ITFG2: variants seen among roughly 807,000 people sequenced by gnomAD.
ITFG2 encodes KICSTOR complex protein ITFG2.
A neutral mutation model predicts 54.4 loss-of-function variants in ITFG2; 36 were observed. The ratio of observed to expected loss-of-function variants is 0.66; its 90% CI spans 0.51 to 0.87. The LOEUF (loss-of-function observed/expected upper bound fraction) is 0.87. ITFG2 is among the 40% of genes least tolerant of loss of function. ITFG2 has a pLI of 0.00. For missense variants in ITFG2, 524 were observed against 576.7 expected, an observed-to-expected ratio of 0.91 and a Z score of 0.94; for synonymous variants, 211 against 225.4, an observed-to-expected ratio of 0.94 and a Z score of 0.57.
At position 2,824,287 on chromosome 12, in the gene ITFG2, T is replaced by C; in HGVS notation, c.*94T>C. ...GTATTGGCAGGATAGGGAATATGCATTACAGAAATGCAGGATTTGACTCTG... is the reference window on the plus strand; with the variant it reads ...GTATTGGCAGGATAGGGAATATGCACTACAGAAATGCAGGATTTGACTCTG... On this transcript the variant is annotated 3_prime_UTR_variant, in exon 12 of 12. Coordinates refer to ENST00000228799, the MANE Select transcript of ITFG2 (RefSeq NM_018463.4). The C allele has an allele frequency of 7.8e-7, 1 of 1,279,706 alleles. No homozygotes were observed. 79.3% of individuals were successfully genotyped at this position (1,279,706 alleles called of 1,614,324 possible). A position where few individuals can be genotyped will look rare whatever the true frequency, so the allele number is the denominator to read the frequency against.
chr12:2,854,862 G>C lies in ITFG2; in HGVS notation n.301-3150G>C, dbSNP rs571596046. On this transcript the variant is annotated intron_variant and non_coding_transcript_variant, in intron 2 of 3. Coordinates refer to the ITFG2 transcript ENST00000537710. ...GGGAGGGGTCACCTGGGCAGGGCAG[G>C]CTGGGTGGGCTCCCTGAGGAGGCAC... The C allele has an allele frequency of 5.2e-5, 79 of 1,508,210 alleles. No homozygotes were observed. The African/African-American group carries it at 8.1e-4, about 15-fold the overall frequency. The allele number at this position is 1,508,210 out of a possible 1,614,324, so 93.4% of individuals were successfully genotyped here. A position where few individuals can be genotyped will look rare whatever the true frequency, so the allele number is the denominator to read the frequency against.
Position 2,824,089 on chromosome 12 carries a change from G to T in ITFG2, c.1241-1G>T, listed in dbSNP as rs752670309. 4 of 1,614,092 alleles carry T rather than the reference G, an allele frequency of 2.5e-6. No individual in the cohort carries two copies. Among genetic ancestry groups the T allele is most frequent in the Admixed American group, 3.3e-5 (2 of 60,006 alleles). ...CTTACCCACCCCTTCTTGGCTCTCA[G>T]ATCCTGACGACCTCCCTGTGACTCG... is the stretch of plus-strand genomic sequence containing the variant. On this transcript the variant is annotated splice_acceptor_variant, in intron 11 of 11. Transcript: ENST00000228799. LOFTEE classifies it high-confidence loss of function.
chr12:2,855,320 G>A (rs2098083958), intron 2 of ITFG2: 1 of 1,531,736 alleles, frequency 6.5e-7, no homozygotes, highest in Admixed American at 2.0e-5. Context: ...CAGGGCGGCA[G>A]CTTCAGAGCC....
At chr12:2,830,684 G>A in intron 2 of ITFG2, 2 of 1,594,752 alleles carry the variant, frequency 1.3e-6, no homozygotes, top group Non-Finnish European at 1.7e-6. Context: ...GTTAATGAAA[G>A]TGTGTCCCTG....
downstream of ITFG2, among the ~76,000 whole-genome samples, chr12:2,831,657 T>C (rs993972141): frequency 1.3e-5 from 2 of 152,168 alleles, no homozygotes; most frequent in African/African-American, 4.8e-5. Context: ...GTCCCTCATC[T>C]ACAACCACTC....
At chr12:2,821,008 C>T in intron 6 of ITFG2, 136 bp downstream of exon 6, 1 of 930,826 alleles carries the variant, frequency 1.1e-6, no homozygotes. Flanking sequence ...CACCTTTGCC[C>T]CACTGGGGAA....
At position 2,855,113 on chromosome 12, in the gene ITFG2, C is replaced by T. The variant is rs1368510737; in HGVS notation, n.301-2899C>T. On this transcript the variant is annotated intron_variant and non_coding_transcript_variant, in intron 2 of 3. Coordinates refer to the ITFG2 transcript ENST00000537710. ...CAGGAGGGAGGGGGGATGGGGTGCT[C>T]CGTGGGGGGGCATCTGTGGGCATTG... 9.1e-6 allele frequency: 14 copies of T among 1,532,986 alleles called. No homozygotes were observed. In the South Asian group the frequency reaches 1.2e-4, roughly 13 times the overall value. The allele number at this position is 1,532,986 out of a possible 1,614,324, so 95.0% of individuals were successfully genotyped here.
intron 2 of ITFG2, chr12:2,849,304 A>G: frequency 3.9e-6 from 6 of 1,535,968 alleles, no homozygotes; most frequent in Non-Finnish European, 5.2e-6. Context: ...GAGATGGTGG[A>G]GGGGTAAGGC....
chr12:2,830,964 C>G (rs1437725359), downstream of ITFG2: 5 of 1,245,392 alleles, frequency 4.0e-6, no homozygotes, highest in Non-Finnish European at 5.5e-6. Context: ...CCCACCCCCC[C>G]AGCCCTGAGC....
chr12:2,859,753 G>T, exon 4 of ITFG2: 1 of 946,118 alleles, frequency 1.1e-6, no homozygotes, highest in Non-Finnish European at 1.5e-6. Context: ...TCTTTGTGTC[G>T]TTTTGAAGTC....
rs1415620615 is a variant in ITFG2 at position 2,817,376 on chromosome 12, C to T, written c.192+58C>T. ...GAAGGGATCCCTTCTGTCCAGGGAC[C>T]ACCTAGGGTGAGCCCCACACAGGTG... is the stretch of plus-strand genomic sequence containing the variant. On this transcript the variant is annotated intron_variant, in intron 2 of 11. Transcript: ENST00000228799. 2.4e-6 allele frequency: 3 copies of T among 1,262,294 alleles called. No individual in the cohort carries two copies. In the South Asian group the frequency reaches 3.7e-5, roughly 16 times the overall value. 78.2% of individuals were successfully genotyped at this position (1,262,294 alleles called of 1,614,324 possible). A position where few individuals can be genotyped will look rare whatever the true frequency, so the allele number is the denominator to read the frequency against.
intron 1 of ITFG2, chr12:2,840,824 A>C (rs901582711): frequency 6.6e-6 from 1 of 151,744 alleles, no homozygotes; most frequent in Non-Finnish European, 1.5e-5. Context: ...ATCCAAATAC[A>C]ATTTTTTTTT....
intron 2 of ITFG2, among the ~76,000 whole-genome samples, chr12:2,853,283 T>G (rs984069131): frequency 1.9e-4 from 28 of 145,674 alleles, no homozygotes; most frequent in East Asian, 8.0e-4. Context: ...TGGTTTTTTG[T>G]TTTTTTTTTT....
intron 2 of ITFG2, among the ~76,000 whole-genome samples, chr12:2,848,389 G>A (rs557269396): frequency 6.6e-6 from 1 of 152,216 alleles, no homozygotes; most frequent in East Asian, 1.9e-4. Context: ...CTGTTGCTTT[G>A]CCTGCCTCTA....
chr12:2,848,875 A>G (rs1326306463), intron 2 of ITFG2, among the ~76,000 whole-genome samples: 6 of 116,734 alleles, frequency 5.1e-5, no homozygotes, highest in African/African-American at 1.0e-4. Flanking sequence ...AGACACACAC[A>G]CGCACACACA....
intron 10 of ITFG2, among the ~76,000 whole-genome samples, 164 bp downstream of exon 10, chr12:2,823,075 G>A (rs757750589): frequency 9.9e-5 from 15 of 151,940 alleles, no homozygotes; most frequent in Non-Finnish European, 1.9e-4. Context: ...GGGGGTGAGG[G>A]GTGAGTGATG....
At chr12:2,841,786 T>C (rs2153927199) in intron 2 of ITFG2, among the ~76,000 whole-genome samples, 1 of 152,146 alleles carries the variant, frequency 6.6e-6, no homozygotes, top group Admixed American at 6.5e-5. Context: ...TGGCATGATC[T>C]CGGCTCACTG....
chr12:2,846,678 G>A (rs889131806), intron 2 of ITFG2, among the ~76,000 whole-genome samples: 1 of 151,746 alleles, frequency 6.6e-6, no homozygotes, highest in African/African-American at 2.4e-5. Flanking sequence ...GAGGAGATTG[G>A]GTAAATTCCC....
rs144162310 is a variant in ITFG2, at chr12:2,840,186, C to T, written n.147-656C>T. The stretch of plus-strand genomic sequence containing the variant: ...AAAGATGGCCGGGCGCAGTGGCTCA[C>T]GCCTATAATTCCAGCACTTTGGGAG... On this transcript the variant is annotated intron_variant and non_coding_transcript_variant, in intron 1 of 3. Coordinates refer to the ITFG2 transcript ENST00000537710. Among the ~76,000 whole-genome samples the T allele has an allele frequency of 3.3e-3, 507 of 152,044 alleles. 4 individuals are homozygous for T. The highest frequency in any genetic ancestry group is 0.011 in the African/African-American group (471 of 41,478).
Sources: allele counts gnomAD v4.1 joint callset (sites outside exome capture counted in the v4.1 genomes callset), GRCh38; gene constraint gnomAD v4.1.1; transcripts MANE v1.5; gene names NCBI Gene and HGNC (gene_info 2026-07-23, HGNC 2026-07-21).